CAMSAP1: variants seen among roughly 807,000 people sequenced by gnomAD.
The protein encoded by CAMSAP1 is calmodulin-regulated spectrin-associated protein 1.
A neutral mutation model predicts 143.5 loss-of-function variants in CAMSAP1; 58 were observed. That is an observed-to-expected ratio of 0.40 (90% CI 0.33 to 0.50). The LOEUF (loss-of-function observed/expected upper bound fraction) is 0.50. CAMSAP1 is among the 20% of genes least tolerant of loss of function. The pLI is 0.45. For missense variants in CAMSAP1, 1,969 were observed against 2,115.7 expected, an observed-to-expected ratio of 0.93 and a Z score of 1.36; for synonymous variants, 945 against 859.3, an observed-to-expected ratio of 1.10 and a Z score of -1.74.
At position 135,809,280 on chromosome 9, in the gene CAMSAP1, G is replaced by A. The variant is rs1834956806; in HGVS notation, c.*2029C>T. 1.3e-5 allele frequency: 2 copies of A among 152,190 alleles called. No individual in the cohort carries two copies. Among genetic ancestry groups the A allele is most frequent in the South Asian group, 4.1e-4 (2 of 4,828 alleles). 9.4% of individuals were successfully genotyped at this position (152,190 alleles called of 1,614,324 possible). On this transcript the variant is annotated 3_prime_UTR_variant, in exon 17 of 17. Transcript: ENST00000389532. ...GACTTGGGACATCAGGAATGTCCAT[G>A]CCACATTAGTGCTTACTCGCAACGA...
At chr9:135,889,550 T>G (rs748087947) in intron 1 of CAMSAP1, among the ~76,000 whole-genome samples, 2 of 152,096 alleles carry the variant, frequency 1.3e-5, no homozygotes, top group African/African-American at 4.8e-5. Context: ...AGCCCCAGTG[T>G]GGAGAAAAGA....
intron 7 of CAMSAP1, among the ~76,000 whole-genome samples, chr9:135,842,706 A>G (rs1836401792): frequency 6.6e-6 from 1 of 152,230 alleles, no homozygotes. Flanking sequence ...TAAAGAAAAG[A>G]ATTTTCAACC....
At position 135,851,590 on chromosome 9, in the gene CAMSAP1, TC is replaced by T. The variant is rs1371582516; in HGVS notation, c.809-1130del. On this transcript the variant is annotated intron_variant, in intron 5 of 16. Transcript: ENST00000389532. The stretch of plus-strand genomic sequence containing the variant: ...CAACACTGCCACAAACCCTTTCCAC[TC>T]CTCCTGAGTATTCTACACACTGTCT... Among the ~76,000 whole-genome samples the T allele has an allele frequency of 2.0e-4, 30 of 152,282 alleles. No homozygotes were observed. The East Asian group carries it at 5.2e-3, about 26-fold the overall frequency.
In CAMSAP1 at chr9:135,821,475, A is replaced by G. The variant is rs779580916; in HGVS notation, c.3186T>C (p.Asn1062=). 3 of 1,614,014 alleles carry G rather than the reference A, an allele frequency of 1.9e-6. No homozygotes were observed. The East Asian group carries it at 6.7e-5, about 36-fold the overall frequency. ...CCTTCACTTTGTGGTCCTGCGAGTT[A>G]TTCTTAGAGCCTGGCACTGGGACTG... ...SPTVPVPGSK[N]NSQDHKVKAP... Residue 1062 remains asparagine (N), a synonymous_variant, in exon 11 of 17, where the codon AAT becomes AAC. Coordinates refer to ENST00000389532, the MANE Select transcript of CAMSAP1 (RefSeq NM_015447.4). The surrounding 1 kb of genome is among the most constrained non-coding windows in gnomAD (Gnocchi z 4.6).
At chr9:135,853,446 G>A (rs1252361066) in intron 5 of CAMSAP1, among the ~76,000 whole-genome samples, 1 of 152,190 alleles carries the variant, frequency 6.6e-6, no homozygotes, top group African/African-American at 2.4e-5. Context: ...CAATCCAAGA[G>A]AATTTCTGCA....
chr9:135,871,711 T>C (rs1211164066), intron 3 of CAMSAP1, among the ~76,000 whole-genome samples: 1 of 151,836 alleles, frequency 6.6e-6, no homozygotes, highest in Non-Finnish European at 1.5e-5. Context: ...GGAAGCTCGC[T>C]TGAGGTCAGG....
intron 7 of CAMSAP1, among the ~76,000 whole-genome samples, chr9:135,839,918 C>T (rs1026191577): frequency 1.3e-5 from 2 of 152,168 alleles, no homozygotes; most frequent in Non-Finnish European, 2.9e-5. Flanking sequence ...ACTCTGCCAT[C>T]AGCCACTCTC....
intron 7 of CAMSAP1, among the ~76,000 whole-genome samples, chr9:135,845,624 T>C (rs1161329193): frequency 6.6e-6 from 1 of 152,132 alleles, no homozygotes; most frequent in Non-Finnish European, 1.5e-5. Context: ...AACCCCATCG[T>C]CTCAACCCAA....
At chr9:135,877,830 A>G (rs1017598574) in intron 3 of CAMSAP1, among the ~76,000 whole-genome samples, 5 of 152,052 alleles carry the variant, frequency 3.3e-5, no homozygotes, top group African/African-American at 1.2e-4. Flanking sequence ...AAAAAGAGAG[A>G]AAGAGACAAC....
At chr9:135,859,746 C>A (rs1259290532) in intron 5 of CAMSAP1, among the ~76,000 whole-genome samples, 2 of 152,034 alleles carry the variant, frequency 1.3e-5, no homozygotes, top group Non-Finnish European at 2.9e-5. Flanking sequence ...AGATAATGAG[C>A]TTCAATACAG....
At chr9:135,829,548 AAATAG>A (rs1255755511) in intron 7 of CAMSAP1, among the ~76,000 whole-genome samples, 2 of 151,914 alleles carry the variant, frequency 1.3e-5, no homozygotes, top group Non-Finnish European at 2.9e-5. Flanking sequence ...TAAAAGACAA[AAATAG>A]TTAAAATAAC....
intron 3 of CAMSAP1, among the ~76,000 whole-genome samples, chr9:135,871,990 T>C (rs989773774): frequency 6.6e-6 from 1 of 151,678 alleles, no homozygotes; most frequent in African/African-American, 2.4e-5. Flanking sequence ...TAATCCCAGA[T>C]ACTCGGGAGG....
intron 7 of CAMSAP1, among the ~76,000 whole-genome samples, chr9:135,835,884 G>A (rs1320329992): frequency 6.6e-6 from 1 of 152,196 alleles, no homozygotes; most frequent in Non-Finnish European, 1.5e-5. Flanking sequence ...GGAGATTGAG[G>A]CAGGAGAATC....
chr9:135,889,620 G>A (rs552166780), intron 1 of CAMSAP1, among the ~76,000 whole-genome samples: 2 of 152,344 alleles, frequency 1.3e-5, no homozygotes, highest in Non-Finnish European at 1.5e-5. Context: ...TGCAGAGCCT[G>A]CCTGCTAGCA....
At chr9:135,839,266 C>T (rs1187877936) in intron 7 of CAMSAP1, among the ~76,000 whole-genome samples, 1 of 152,214 alleles carries the variant, frequency 6.6e-6, no homozygotes, top group Non-Finnish European at 1.5e-5. Flanking sequence ...GCCACTGTTT[C>T]TGTGCCTGCC....
rs200053266 is a variant in CAMSAP1 at position 135,882,895 on chromosome 9, G to A, written c.344C>T (p.Ser115Phe). Reference protein sequence around the residue: ...QGHQSVIQALSRKGIYVMESD... With the variant: ...QGHQSVIQALFRKGIYVMESD... ...CTCCATCACATAGATCCCTTTCCGG[G>A]ACAGGGCCTGGATGACAGACTGGTG... is the stretch of plus-strand genomic sequence containing the variant. The change falls in exon 2 of 17, where the codon TCC becomes TTC. Residue 115 changes from serine (S) to phenylalanine (F), a missense_variant. By Grantham distance (155) the Ser-to-Phe change is radical (BLOSUM62 -2). Coordinates refer to ENST00000389532, the MANE Select transcript of CAMSAP1 (RefSeq NM_015447.4). This position sits in a 1 kb window ranked among gnomAD's most constrained non-coding sequence, Gnocchi z 4.9. 1,512 of 1,551,680 alleles carry A rather than the reference G, an allele frequency of 9.7e-4. 3 individuals are homozygous for A. Among genetic ancestry groups the A allele is most frequent in the Non-Finnish European group, 1.2e-3 (1,380 of 1,147,004 alleles).
Position 135,823,242 on chromosome 9 carries a change from T to C in CAMSAP1, c.1419A>G (p.Thr473=), listed in dbSNP as rs142304848. The stretch of plus-strand genomic sequence containing the variant: ...TCGCAGCGTGATGTAGAGCAAAAGG[T>C]GTTGGCTGGGACGCAGGCCTGAAAC... ...EKKTRPASQP[T]PFALHHAASC... The change falls in exon 11 of 17, where the codon ACA becomes ACG. Residue 473 remains threonine (T), a synonymous_variant. Transcript: ENST00000389532. 4.8e-5 allele frequency: 75 copies of C among 1,553,740 alleles called. No individual in the cohort carries two copies. In the African/African-American group the frequency reaches 8.9e-4, roughly 18 times the overall value.
At position 135,881,637 on chromosome 9, in the gene CAMSAP1, T is replaced by C; in HGVS notation, c.581A>G (p.Asn194Ser). 6.4e-7 allele frequency: 1 copy of C among 1,551,720 alleles called. No individual in the cohort carries two copies. Among genetic ancestry groups the C allele is most frequent in the Non-Finnish European group, 8.7e-7 (1 of 1,146,980 alleles). The change falls in exon 3 of 17, where the codon AAC becomes AGC. Residue 194 changes from asparagine to serine, a missense_variant. Physicochemically the swap from Asn to Ser is conservative, Grantham distance 46. Transcript: ENST00000389532. ...ACATCTAGGCAGGGCACTCACCTTG[T>C]TGATCCAGAACACCATGGCATCCTC... Reference protein sequence around the residue: ...DLEDAMVFWINKVNLKMREIT... With the variant: ...DLEDAMVFWISKVNLKMREIT...
chr9:135,907,022 G>A lies in CAMSAP1; in HGVS notation c.138C>T (p.Ile46=). 1.4e-5 allele frequency: 17 copies of A among 1,181,974 alleles called. No homozygotes were observed. The highest frequency in any genetic ancestry group is 1.7e-5 in the Non-Finnish European group (16 of 944,496). The allele number at this position is 1,181,974 out of a possible 1,614,324, so 73.2% of individuals were successfully genotyped here. The change falls in exon 1 of 17, where the codon ATC becomes ATT. Residue 46 remains isoleucine (I), a synonymous_variant. Coordinates refer to ENST00000389532, the MANE Select transcript of CAMSAP1 (RefSeq NM_015447.4). The part of the protein sequence containing the change: ...RAKIAANLQW[I]CAKAYGRDNI... Reference sequence around the variant, plus strand: ...CACCTCGGCCGTAGGCCTTGGCGCAGATCCACTGCAGGTTGGCGGCGATCT... The same window carrying A: ...CACCTCGGCCGTAGGCCTTGGCGCAAATCCACTGCAGGTTGGCGGCGATCT...
Sources: allele counts gnomAD v4.1 joint callset (sites outside exome capture counted in the v4.1 genomes callset), GRCh38; gene constraint gnomAD v4.1.1; non-coding constraint Gnocchi (gnomAD v3.1); transcripts MANE v1.5; gene names NCBI Gene and HGNC (gene_info 2026-07-23, HGNC 2026-07-21).